USP50: variants seen among roughly 807,000 people sequenced by gnomAD.
USP50 encodes ubiquitin carboxyl-terminal hydrolase 50.
In USP50, 37 loss-of-function variants were observed where a neutral mutation model predicts 39.2. That is an observed-to-expected ratio of 0.94 (90% CI 0.73 to 1.24). The LOEUF (loss-of-function observed/expected upper bound fraction) is 1.24, where lower values mean the gene tolerates loss of function less well. Ranked by LOEUF, USP50 falls within the 50% of genes most tolerant of loss-of-function variation. USP50 has a pLI of 0.00. For synonymous variants in USP50, 139 were observed against 144.5 expected, an observed-to-expected ratio of 0.96 and a Z score of 0.27; for missense variants, 374 against 398.2, an observed-to-expected ratio of 0.94 and a Z score of 0.52.
chr15:50,544,834 A>C, intron 1 of USP50, 53 bp from the exon 2 acceptor site: 2 of 1,508,696 alleles, frequency 1.3e-6, no homozygotes, highest in Admixed American at 3.8e-5. Flanking sequence ...AAATATGTAC[A>C]AATGACAATA....
chr15:50,541,428 A>C (rs1221281082), intron 3 of USP50, among the ~76,000 whole-genome samples, 164 bp from the exon 4 acceptor site: 1 of 152,096 alleles, frequency 6.6e-6, no homozygotes, highest in East Asian at 1.9e-4. Flanking sequence ...TTGGAGGATC[A>C]GTTGAGCCTA....
chr15:50,532,138 G>A, intron 5 of USP50: 1 of 456,260 alleles, frequency 2.2e-6, no homozygotes, highest in South Asian at 1.5e-5. Context: ...AAAGAATCCA[G>A]TCACAGGGGG....
chr15:50,508,726 A>T (rs1012237179), intron 6 of USP50: 1 of 152,216 alleles, frequency 6.6e-6, no homozygotes, highest in Non-Finnish European at 1.5e-5. Context: ...AGCCTGCCAC[A>T]GTGGTTCATG....
At chr15:50,499,080 G>A (rs200283811), downstream of USP50, 18 of 1,604,658 alleles carry the variant, frequency 1.1e-5, no homozygotes, top group African/African-American at 1.2e-4. Context: ...AACTGATGTA[G>A]CCACATAAGG....
At chr15:50,517,344 C>A (rs553740515) in intron 6 of USP50, among the ~76,000 whole-genome samples, 1 of 151,118 alleles carries the variant, frequency 6.6e-6, no homozygotes, top group Non-Finnish European at 1.5e-5. Context: ...TGTTGGTGGG[C>A]GCCTGTAATC....
intron 6 of USP50, chr15:50,507,244 C>A (rs528184744): frequency 1.3e-5 from 2 of 152,710 alleles, no homozygotes; most frequent in African/African-American, 2.4e-5. Flanking sequence ...GATCATGCCA[C>A]TGCACTCCAG....
intron 6 of USP50, among the ~76,000 whole-genome samples, chr15:50,516,447 T>C (rs1398794501): frequency 6.6e-6 from 1 of 151,890 alleles, no homozygotes; most frequent in East Asian, 1.9e-4. Context: ...TGAAACCCCA[T>C]CTCCACTAAA....
downstream of USP50, chr15:50,493,781 G>A: frequency 1.9e-6 from 1 of 521,576 alleles, no homozygotes; most frequent in East Asian, 4.1e-5. Context: ...ATTAGTAAAG[G>A]ACAGACAGGA....
At chr15:50,501,967 G>C (rs2052596550) in intron 6 of USP50, 1 of 152,172 alleles carries the variant, frequency 6.6e-6, no homozygotes, top group African/African-American at 2.4e-5. Flanking sequence ...TTCAGTGGCT[G>C]CTTTAATGAT....
At chr15:50,525,680 ATAT>A (rs2141367445) in intron 6 of USP50, among the ~76,000 whole-genome samples, 1 of 137,492 alleles carries the variant, frequency 7.3e-6, no homozygotes, top group Non-Finnish European at 1.5e-5. Flanking sequence ...GTATATATGT[ATAT>A]TATATATGTA....
At position 50,541,216 on chromosome 15, in the gene USP50, A is replaced by C. The variant is rs200658706; in HGVS notation, c.493T>G (p.Cys165Gly). 1.5e-4 allele frequency: 245 copies of C among 1,613,856 alleles called. No homozygotes were observed. Among genetic ancestry groups the C allele is most frequent in the Non-Finnish European group, 2.0e-4 (241 of 1,179,882 alleles). ...TCAGTGGTAATCCACTTCCTGCAGCATCTCTGAGTAGATCCTTTCTCATAT... is the reference window on the plus strand; with the variant it reads ...TCAGTGGTAATCCACTTCCTGCAGCCTCTCTGAGTAGATCCTTTCTCATAT... ...RSYEKGSTQRCCRKWITTETS... is the reference protein window; with the variant it reads ...RSYEKGSTQRGCRKWITTETS... The change falls in exon 4 of 7, where the codon TGC (cysteine) becomes GGC (glycine). Residue 165 changes from cysteine (C) to glycine (G), a missense_variant. Transcript: ENST00000532404.
chr15:50,498,509 TC>T, downstream of USP50: 18 of 1,444,688 alleles, frequency 1.2e-5, no homozygotes, highest in Non-Finnish European at 1.7e-5. Context: ...GATTTTACAG[TC>T]CTGGCTAAAA....
At position 50,500,677 on chromosome 15, in the gene USP50, GA is replaced by G; in HGVS notation, c.*91del. ...CTCTTAACGCTTTTGTATTGGTATG[GA>G]AAAGGGCTGGCAGCTATAGAACAGG... On this transcript the variant is annotated 3_prime_UTR_variant, in exon 7 of 7. Coordinates refer to ENST00000532404, the MANE Select transcript of USP50 (RefSeq NM_203494.5). The G allele has an allele frequency of 7.8e-7, 1 of 1,286,454 alleles. No individual in the cohort carries two copies. The highest frequency in any genetic ancestry group is 1.1e-6 in the Non-Finnish European group (1 of 909,850). 79.7% of individuals were successfully genotyped at this position (1,286,454 alleles called of 1,614,324 possible).
intron 6 of USP50, chr15:50,502,939 T>G (rs2052611918): frequency 2.0e-5 from 3 of 152,246 alleles, no homozygotes; most frequent in Admixed American, 1.3e-4. Flanking sequence ...TTATCAAATA[T>G]CTCATGTATT....
intron 5 of USP50, among the ~76,000 whole-genome samples, chr15:50,534,788 T>C (rs1422131790): frequency 6.6e-6 from 1 of 152,158 alleles, no homozygotes; most frequent in African/African-American, 2.4e-5. Flanking sequence ...GATCACTTTT[T>C]CAAGAAGACA....
chr15:50,538,963 C>T, intron 4 of USP50, 112 bp from the exon 5 acceptor site: 1 of 1,195,332 alleles, frequency 8.4e-7, no homozygotes, highest in Non-Finnish European at 1.1e-6. Flanking sequence ...CAGTGCTTTT[C>T]TCAAAGTCAA....
In USP50 at chr15:50,546,540, G is replaced by T. The variant is rs1372382333; in HGVS notation, c.-15C>A. 5 of 1,613,288 alleles carry T rather than the reference G, an allele frequency of 3.1e-6. No homozygotes were observed. The highest frequency in any genetic ancestry group is 4.2e-6 in the Non-Finnish European group (5 of 1,179,340). On this transcript the variant is annotated 5_prime_UTR_variant, in exon 1 of 7. Transcript: ENST00000532404. The stretch of plus-strand genomic sequence containing the variant: ...TGAGAAGTCATTTTAATGGAACCAC[G>T]TTGGACTTTTGCTTCTATTCAGGAG...
At chr15:50,536,589 C>T (rs922756804) in intron 5 of USP50, among the ~76,000 whole-genome samples, 1 of 151,786 alleles carries the variant, frequency 6.6e-6, no homozygotes. Flanking sequence ...TGCAGTGAGC[C>T]GAGATCGTGC....
At chr15:50,535,877 TCA>T (rs1265887778) in intron 5 of USP50, among the ~76,000 whole-genome samples, 2 of 151,810 alleles carry the variant, frequency 1.3e-5, no homozygotes, top group Non-Finnish European at 2.9e-5. Context: ...GGAAAAAAAA[TCA>T]CACACACAAT....
Sources: allele counts gnomAD v4.1 joint callset (sites outside exome capture counted in the v4.1 genomes callset), GRCh38; gene constraint gnomAD v4.1.1; transcripts MANE v1.5; gene names NCBI Gene and HGNC (gene_info 2026-07-23, HGNC 2026-07-21).